CTSB: variants seen among roughly 807,000 people sequenced by gnomAD.
CTSB encodes the protein cathepsin B.
In CTSB, 57 loss-of-function variants were observed where a neutral mutation model predicts 44.3. The ratio of observed to expected loss-of-function variants is 1.29; its 90% CI spans 1.04 to 1.60. The LOEUF (loss-of-function observed/expected upper bound fraction) is 1.60, where lower values mean the gene tolerates loss of function less well. Ranked by LOEUF, CTSB falls within the 40% of genes most tolerant of loss-of-function variation. The pLI is 0.00. For synonymous variants in CTSB, 320 were observed against 168.0 expected, an observed-to-expected ratio of 1.91 and a Z score of -7.00; for missense variants, 768 against 443.0, an observed-to-expected ratio of 1.73 and a Z score of -6.59.
At position 11,845,195 on chromosome 8, in the gene CTSB, T is replaced by C; in HGVS notation, c.950A>G (p.Asp317Gly). ...CACTTCTGATTCGATTCCACAGTGA[T>C]CCTGTCCTCTGAGTATTTTAAAGAA... ...NGFFKILRGQDHCGIESEVVA... is the reference protein window; with the variant it reads ...NGFFKILRGQGHCGIESEVVA... Residue 317 changes from aspartate to glycine, a missense_variant, in exon 10 of 10, where the codon GAT becomes GGT. Coordinates refer to ENST00000353047, the MANE Select transcript of CTSB (RefSeq NM_001908.5). The C allele has an allele frequency of 1.9e-6, 3 of 1,613,834 alleles. No homozygotes were observed. Among genetic ancestry groups the C allele is most frequent in the Non-Finnish European group, 2.5e-6 (3 of 1,179,720 alleles).
intron 1 of CTSB, among the ~76,000 whole-genome samples, chr8:11,857,519 A>G (rs926275673): frequency 2.0e-5 from 3 of 152,066 alleles, no homozygotes; most frequent in African/African-American, 7.2e-5. Flanking sequence ...CAAGTCGAGG[A>G]TGGGAGCGTT....
Position 11,850,856 on chromosome 8 carries a change from A to T in CTSB, c.327+10T>A, listed in dbSNP as rs116738069. 2.6e-3 allele frequency: 4,103 copies of T among 1,593,562 alleles called. 93 individuals carry two copies. In the African/African-American group the frequency reaches 0.048, roughly 19 times the overall value. ...CTCCAGCGCTTCCCCGCCAGCCAGCAGGGCCTTACCCAGCAGGAGCCACAG... is the reference window on the plus strand; with the variant it reads ...CTCCAGCGCTTCCCCGCCAGCCAGCTGGGCCTTACCCAGCAGGAGCCACAG... On this transcript the variant is annotated intron_variant, in intron 4 of 9. Coordinates refer to ENST00000353047, the MANE Select transcript of CTSB (RefSeq NM_001908.5).
At chr8:11,862,464 A>G (rs1816578905) in intron 1 of CTSB, 1 of 152,186 alleles carries the variant, frequency 6.6e-6, no homozygotes, top group African/African-American at 2.4e-5. Flanking sequence ...CATCATTTCT[A>G]TTTTCAGAAG....
At chr8:11,850,808 C>T in intron 4 of CTSB, 58 bp downstream of exon 4, 1 of 1,283,630 alleles carries the variant, frequency 7.8e-7, no homozygotes, top group Non-Finnish European at 1.1e-6. Flanking sequence ...CCCCAAGACT[C>T]TCCAGTGTTG....
rs533381937 is a variant in CTSB at position 11,865,215 on chromosome 8, CAT to C, written c.-26+2784_-26+2785del. 3.1e-3 allele frequency among the ~76,000 whole-genome samples: 471 copies of C among 152,242 alleles called. 3 individuals carry two copies. Among genetic ancestry groups the C allele is most frequent in the African/African-American group, 9.2e-3 (382 of 41,528 alleles). On this transcript the variant is annotated intron_variant, in intron 1 of 9. Coordinates refer to ENST00000353047, the MANE Select transcript of CTSB (RefSeq NM_001908.5). ...GCCCAGTAAATATCACTCAACCGCA[CAT>C]GTTTCCAATAATTTCCTTAGGCCAG...
intron 1 of CTSB, among the ~76,000 whole-genome samples, chr8:11,865,311 G>C (rs771721772): frequency 6.6e-6 from 1 of 152,188 alleles, no homozygotes; most frequent in Admixed American, 6.5e-5. Flanking sequence ...TTGGGAGGCC[G>C]AGGTGGGCGG....
chr8:11,861,098 T>C (rs1291136713), intron 1 of CTSB, among the ~76,000 whole-genome samples: 1 of 152,248 alleles, frequency 6.6e-6, no homozygotes, highest in African/African-American at 2.4e-5. Flanking sequence ...TAGTAGATTC[T>C]TGGCTTATGA....
At chr8:11,846,614 G>A (rs939034466) in intron 8 of CTSB, among the ~76,000 whole-genome samples, 1 of 152,184 alleles carries the variant, frequency 6.6e-6, no homozygotes, top group African/African-American at 2.4e-5. Context: ...GCACGATCTA[G>A]GCCTTTGCAA....
In CTSB at chr8:11,844,790, G is replaced by A. The variant is rs113278934; in HGVS notation, c.*335C>T. Reference sequence around the variant, plus strand: ...GAACTTTCATCCTGTTAGGAACTCCGCTTTCCATTCCTGCGTCTCTGTCTT... The same window carrying A: ...GAACTTTCATCCTGTTAGGAACTCCACTTTCCATTCCTGCGTCTCTGTCTT... On this transcript the variant is annotated 3_prime_UTR_variant, in exon 10 of 10. Transcript: ENST00000353047. The A allele has an allele frequency of 9.4e-5, 23 of 245,236 alleles. No individual in the cohort carries two copies. The Middle Eastern group carries it at 3.9e-3, about 41-fold the overall frequency. 15.2% of individuals were successfully genotyped at this position (245,236 alleles called of 1,614,324 possible).
rs1257269866 is a variant in CTSB, at chr8:11,842,916, C to CT, written c.*2208dup. On this transcript the variant is annotated 3_prime_UTR_variant, in exon 10 of 10. Transcript: ENST00000353047. ...CCTCCCAAAGTGCTGGGATTACAGG[C>CT]TTGAGCCACTGCGCCCGGCCTTTTT... The CT allele has an allele frequency of 2.1e-5, 3 of 143,436 alleles. No homozygotes were observed. Among genetic ancestry groups the CT allele is most frequent in the Non-Finnish European group, 4.5e-5 (3 of 66,752 alleles). The allele number at this position is 143,436 out of a possible 1,614,324, so 8.9% of individuals were successfully genotyped here. A position where few individuals can be genotyped will look rare whatever the true frequency, so the allele number is the denominator to read the frequency against.
Position 11,844,943 on chromosome 8 carries a change from G to A in CTSB, c.*182C>T, listed in dbSNP as rs938135246. 8 of 604,654 alleles carry A rather than the reference G, an allele frequency of 1.3e-5. No homozygotes were observed. Among genetic ancestry groups the A allele is most frequent in the Non-Finnish European group, 1.5e-5 (5 of 337,622 alleles). 37.5% of individuals were successfully genotyped at this position (604,654 alleles called of 1,614,324 possible). ...CAGCGGTGGCTCACATGGCCTGTCT[G>A]CACTGTAACCACAGGCTGGGATGTA... On this transcript the variant is annotated 3_prime_UTR_variant, in exon 10 of 10. Coordinates refer to ENST00000353047, the MANE Select transcript of CTSB (RefSeq NM_001908.5).
At chr8:11,861,725 C>A (rs559772454) in intron 1 of CTSB, among the ~76,000 whole-genome samples, 1 of 152,222 alleles carries the variant, frequency 6.6e-6, no homozygotes, top group Non-Finnish European at 1.5e-5. Flanking sequence ...ACGTCTGCAT[C>A]GGATACCAAA....
chr8:11,859,669 G>A (rs895375688), intron 1 of CTSB, among the ~76,000 whole-genome samples: 3 of 150,436 alleles, frequency 2.0e-5, no homozygotes, highest in African/African-American at 7.3e-5. Flanking sequence ...TTGGGAGGCT[G>A]AGGCAGGAGA....
chr8:11,856,229 C>T (rs978530433), intron 1 of CTSB, among the ~76,000 whole-genome samples: 2 of 151,964 alleles, frequency 1.3e-5, no homozygotes, highest in African/African-American at 4.8e-5. Context: ...CCAGCAACGC[C>T]CACCAGTTTC....
rs1260010533 is a variant in CTSB, at chr8:11,847,790, G to A, written c.565C>T (p.His189Tyr). The A allele has an allele frequency of 2.5e-6, 4 of 1,599,130 alleles. No individual in the cohort carries two copies. The highest frequency in any genetic ancestry group is 3.4e-6 in the Non-Finnish European group (4 of 1,175,878). Residue 189 changes from histidine (H) to tyrosine (Y), a missense_variant, in exon 7 of 10, where the codon CAC becomes TAC. By Grantham distance (83) the His-to-Tyr change is moderately conservative. Transcript: ENST00000353047. The part of the protein sequence containing the change: ...CRPYSIPPCE[H>Y]HVNGSRPPCT... ...GGGGGCCGGGAGCCGTTGACGTGGT[G>A]CTCACAGGGAGGGATGGAGTACGGT... is the stretch of plus-strand genomic sequence containing the variant.
intron 2 of CTSB, 133 bp downstream of exon 2, chr8:11,853,196 G>A (rs1390422616): frequency 1.6e-6 from 2 of 1,282,468 alleles, no homozygotes; most frequent in South Asian, 1.4e-5. Context: ...ATGACTCAGG[G>A]TCAGGGCCAT....
chr8:11,856,714 G>C (rs1182631709), intron 1 of CTSB, among the ~76,000 whole-genome samples: 1 of 152,124 alleles, frequency 6.6e-6, no homozygotes. Context: ...GGGTGACTGA[G>C]GACCATAAGC....
chr8:11,845,051 C>G lies in CTSB; in HGVS notation c.*74G>C, dbSNP rs868303266. On this transcript the variant is annotated 3_prime_UTR_variant, in exon 10 of 10. Transcript: ENST00000353047. Reference sequence around the variant, plus strand: ...GACCCTGTCTGAAACTTGTATCTTACGTGAACTTAAAGAATAAAATGCATT... The same window carrying G: ...GACCCTGTCTGAAACTTGTATCTTAGGTGAACTTAAAGAATAAAATGCATT... 3.0e-6 allele frequency: 3 copies of G among 1,016,918 alleles called. No individual in the cohort carries two copies. Among genetic ancestry groups the G allele is most frequent in the African/African-American group, 1.6e-5 (1 of 63,106 alleles). The allele number at this position is 1,016,918 out of a possible 1,614,324, so 63.0% of individuals were successfully genotyped here.
chr8:11,853,481 T>C lies in CTSB; in HGVS notation c.-25-2A>G. The C allele has an allele frequency of 6.2e-7, 1 of 1,607,512 alleles. No homozygotes were observed. The highest frequency in any genetic ancestry group is 8.5e-7 in the Non-Finnish European group (1 of 1,178,196). Reference sequence around the variant, plus strand: ...TTGGAAGCCGGATCCTAGATCCACCTGGAGAGGACAGAGGGCATCAGGACA... The same window carrying C: ...TTGGAAGCCGGATCCTAGATCCACCCGGAGAGGACAGAGGGCATCAGGACA... On this transcript the variant is annotated splice_acceptor_variant, in intron 1 of 9. Transcript: ENST00000353047. LOFTEE classifies it low-confidence loss of function (5UTR_SPLICE).
Sources: gnomAD v4.1 joint callset for allele counts (sites outside exome capture counted in the v4.1 genomes callset) on GRCh38, gnomAD v4.1.1 for gene constraint, MANE v1.5 for transcripts, NCBI Gene and HGNC (gene_info 2026-07-23, HGNC 2026-07-21) for gene names.